HAUS6: variants seen among roughly 807,000 people sequenced by gnomAD.
HAUS6 encodes HAUS augmin like complex subunit 6.
HAUS6 carries 80 observed loss-of-function variants against 106.8 expected under a neutral mutation model. That is an observed-to-expected ratio of 0.75 (90% CI 0.63 to 0.90). The LOEUF is 0.90. Ranked by LOEUF, HAUS6 falls within the 40% of genes least tolerant of loss-of-function variation. HAUS6 has a pLI of 0.00. For missense variants in HAUS6, 1,155 were observed against 1,118.1 expected (o/e 1.03, Z -0.47); for synonymous variants, 356 against 379.1 (o/e 0.94, Z 0.71).
In HAUS6 at chr9:19,089,199, C is replaced by T. The variant is rs141227009; in HGVS notation, c.584+213G>A. 2.7e-3 allele frequency among the ~76,000 whole-genome samples: 410 copies of T among 151,920 alleles called. 2 individuals carry two copies. Among genetic ancestry groups the T allele is most frequent in the African/African-American group, 9.6e-3 (396 of 41,450 alleles). ...CAGAGGCTGCAGTGAGCCGACATCG[C>T]GCCACTGCATTCCAGCCTAGGAGCC... On this transcript the variant is annotated intron_variant, in intron 5 of 16. Transcript: ENST00000380502.
At chr9:19,090,664 T>C (rs957562862) in intron 4 of HAUS6, among the ~76,000 whole-genome samples, 12 of 152,180 alleles carry the variant, frequency 7.9e-5, no homozygotes, top group Admixed American at 3.9e-4. Context: ...CGCCCAGCCA[T>C]AGAATCTTTT....
intron 12 of HAUS6, among the ~76,000 whole-genome samples, chr9:19,068,934 C>T (rs1271856778): frequency 6.6e-6 from 1 of 151,940 alleles, no homozygotes. Flanking sequence ...AGAACAAAAT[C>T]CAGTTTTTTC....
chr9:19,084,060 A>AT (rs1588618156), intron 7 of HAUS6, among the ~76,000 whole-genome samples: 1 of 151,656 alleles, frequency 6.6e-6, no homozygotes, highest in East Asian at 1.9e-4. Flanking sequence ...GCAAAAAAAA[A>AT]AAAAAAAAGA....
intron 1 of HAUS6, among the ~76,000 whole-genome samples, chr9:19,101,491 T>C (rs1259419476): frequency 6.7e-6 from 1 of 149,914 alleles, no homozygotes; most frequent in African/African-American, 2.5e-5. Context: ...AGACCCTGTC[T>C]CAAAACAAAA....
At chr9:19,081,875 G>C (rs187373064) in intron 8 of HAUS6, among the ~76,000 whole-genome samples, 149 of 148,180 alleles carry the variant, frequency 1.0e-3, no homozygotes, top group African/African-American at 3.6e-3. Context: ...AGCCGGCCTG[G>C]CCAACATGGT....
chr9:19,083,661 G>T (rs1837214955), intron 7 of HAUS6, among the ~76,000 whole-genome samples: 1 of 151,864 alleles, frequency 6.6e-6, no homozygotes, highest in African/African-American at 2.4e-5. Flanking sequence ...ACTTAGCCAG[G>T]CGTGGTGGCA....
chr9:19,074,186 G>A (rs752842249), intron 11 of HAUS6, among the ~76,000 whole-genome samples: 11 of 151,906 alleles, frequency 7.2e-5, no homozygotes, highest in Admixed American at 2.0e-4. Flanking sequence ...GGCGAAGGTT[G>A]CAATGAGCCG....
At chr9:19,062,531 T>A (rs1222774928) in intron 14 of HAUS6, among the ~76,000 whole-genome samples, 2 of 152,248 alleles carry the variant, frequency 1.3e-5, no homozygotes, top group Non-Finnish European at 2.9e-5. Flanking sequence ...TATTCTCACT[T>A]TTGAGGAAGA....
intron 16 of HAUS6, 43 bp downstream of exon 16, chr9:19,057,918 A>C: frequency 8.3e-7 from 1 of 1,198,292 alleles, no homozygotes; most frequent in East Asian, 2.4e-5. Flanking sequence ...AGTTGAGAGA[A>C]AACTTCAACA....
intron 1 of HAUS6, among the ~76,000 whole-genome samples, chr9:19,102,235 C>T (rs983175977): frequency 1.3e-5 from 2 of 152,166 alleles, no homozygotes; most frequent in African/African-American, 4.8e-5. Context: ...CACAGACCAC[C>T]CCTCCACCAC....
intron 5 of HAUS6, among the ~76,000 whole-genome samples, chr9:19,087,431 A>G (rs7860122): frequency 0.3 from 44,859 of 152,060 alleles, 7,101 homozygotes; most frequent in African/African-American, 0.43. Context: ...TCACATACCC[A>G]GGAATAAATT....
chr9:19,079,065 G>A (rs1434638275), intron 9 of HAUS6, among the ~76,000 whole-genome samples: 5 of 148,556 alleles, frequency 3.4e-5, no homozygotes, highest in Non-Finnish European at 5.9e-5. Context: ...TCAACAAGCT[G>A]AGGCAGGAGA....
rs562876908 is a variant in HAUS6 at position 19,083,524 on chromosome 9, C to T, written c.700-481G>A. The stretch of plus-strand genomic sequence containing the variant: ...ATTTTAAAAATTTTTCAAGAGAAGC[C>T]GGGCGCAGTGGCTCACGTCTGTAAT... On this transcript the variant is annotated intron_variant, in intron 7 of 16. Coordinates refer to ENST00000380502, the MANE Select transcript of HAUS6 (RefSeq NM_017645.5). Among the ~76,000 whole-genome samples the T allele has an allele frequency of 4.6e-5, 7 of 152,056 alleles. No homozygotes were observed. The East Asian group carries it at 1.4e-3, about 29-fold the overall frequency.
chr9:19,102,874 G>A lies in HAUS6; in HGVS notation c.-223C>T, dbSNP rs1196908736. ...GTGCGGCCACCACTGCCTCAGCGAA[G>A]CCACCACAAACCGAGACTCCCGCCC... is the stretch of plus-strand genomic sequence containing the variant. On this transcript the variant is annotated 5_prime_UTR_variant, in exon 1 of 17. Transcript: ENST00000380502. 2 of 423,350 alleles carry A rather than the reference G, an allele frequency of 4.7e-6. No homozygotes were observed. Among genetic ancestry groups the A allele is most frequent in the African/African-American group, 2.1e-5 (1 of 48,666 alleles). The allele number at this position is 423,350 out of a possible 1,614,324, so 26.2% of individuals were successfully genotyped here.
intron 9 of HAUS6, among the ~76,000 whole-genome samples, chr9:19,080,174 C>CAAAAA (rs746423003): frequency 7.5e-4 from 28 of 37,484 alleles, no homozygotes; most frequent in Admixed American, 1.2e-3. Flanking sequence ...AACTCCGTCT[C>CAAAAA]AAAAAAAAAA....
intron 1 of HAUS6, among the ~76,000 whole-genome samples, chr9:19,097,804 C>T (rs1441808478): frequency 1.3e-5 from 2 of 150,284 alleles, no homozygotes; most frequent in Non-Finnish European, 3.0e-5. Flanking sequence ...TGAAAGAACA[C>T]TAAACCCTTT....
Position 19,058,824 on chromosome 9 carries a change from A to G in HAUS6, c.1943T>C (p.Phe648Ser), listed in dbSNP as rs149943869. The stretch of plus-strand genomic sequence containing the variant: ...CTCTTCAGTCAAATGAGACTGGCCA[A>G]AATCTGATACAGTGGTTTCTAAGAG... ...DFLLETTVSD[F>S]GQSHLTEEKV... The change falls in exon 16 of 17, where the codon TTT becomes TCT. Residue 648 changes from phenylalanine (F) to serine (S), a missense_variant. Phe to Ser is a radical substitution (Grantham distance 155, BLOSUM62 -2). This residue lies in a region of HAUS6 where 380 missense variants were observed against 394.8 expected (regional missense o/e 0.96). Transcript: ENST00000380502. 21 of 1,614,104 alleles carry G rather than the reference A, an allele frequency of 1.3e-5. No individual in the cohort carries two copies. The African/African-American group carries it at 1.9e-4, about 14-fold the overall frequency.
intron 2 of HAUS6, among the ~76,000 whole-genome samples, 181 bp downstream of exon 2, chr9:19,096,493 A>G (rs895078783): frequency 6.9e-6 from 1 of 144,522 alleles, no homozygotes; most frequent in South Asian, 2.3e-4. Context: ...TGAACCCAGG[A>G]GGCAGAGGTT....
chr9:19,070,646 T>C (rs536980468), intron 11 of HAUS6, among the ~76,000 whole-genome samples: 10 of 152,350 alleles, frequency 6.6e-5, no homozygotes, highest in African/African-American at 2.2e-4. Context: ...AGTCTTAGCA[T>C]ATTTCAGTGC....
Sources: gnomAD v4.1 joint callset for allele counts (sites outside exome capture counted in the v4.1 genomes callset) on GRCh38, gnomAD v4.1.1 for gene constraint, gnomAD v4.1.1 regional missense constraint, MANE v1.5 for transcripts, NCBI Gene and HGNC (gene_info 2026-07-23, HGNC 2026-07-21) for gene names.